The following GPC6 variants were observed in gnomAD, a reference collection of about 807,000 sequenced individuals.
The protein encoded by GPC6 is glypican-6.
Under a neutral mutation model 55.2 loss-of-function variants are expected in GPC6, and 14 were observed. That is an observed-to-expected ratio of 0.25 (90% CI 0.17 to 0.40). The LOEUF is 0.40. Ranked by LOEUF, GPC6 falls within the 10% of genes least tolerant of loss-of-function variation. The probability of loss-of-function intolerance (pLI) is 1.00; values close to 1 mark genes in which losing one functional copy is unlikely to be tolerated. For synonymous variants in GPC6, 278 were observed against 259.6 expected (o/e 1.07, Z -0.68); for missense variants, 641 against 708.5 (o/e 0.90, Z 1.08).
At chr13:93,427,767 C>T (rs992286616) in intron 1 of GPC6, among the ~76,000 whole-genome samples, 3 of 152,136 alleles carry the variant, frequency 2.0e-5, no homozygotes, top group Non-Finnish European at 4.4e-5. Flanking sequence ...CATAAGCACA[C>T]ACAATAGTCC....
chr13:93,637,897 T>C (rs979573048), intron 2 of GPC6, among the ~76,000 whole-genome samples: 5 of 152,114 alleles, frequency 3.3e-5, no homozygotes, highest in African/African-American at 1.2e-4. Flanking sequence ...AGCCGTCATA[T>C]TAGAGATGAC....
At chr13:93,262,337 G>A (rs781187240) in intron 1 of GPC6, among the ~76,000 whole-genome samples, 1 of 152,142 alleles carries the variant, frequency 6.6e-6, no homozygotes, top group Non-Finnish European at 1.5e-5. Flanking sequence ...TTAAAAATGG[G>A]TGAAAGTGTG....
At chr13:94,284,455 T>TG (rs1555315647) in intron 4 of GPC6, among the ~76,000 whole-genome samples, 180 of 122,620 alleles carry the variant, frequency 1.5e-3, no homozygotes, top group African/African-American at 4.6e-3. Flanking sequence ...AATACATGTA[T>TG]GTTTTTTTTT....
chr13:93,296,149 C>G (rs1336840746), intron 1 of GPC6, among the ~76,000 whole-genome samples: 1 of 152,174 alleles, frequency 6.6e-6, no homozygotes, highest in Non-Finnish European at 1.5e-5. Context: ...CTTTCCATTT[C>G]TATTTCAATT....
rs571126422 is a variant in GPC6, at chr13:94,119,813, A to C, written c.877+91919A>C. Among the ~76,000 whole-genome samples the C allele has an allele frequency of 9.2e-5, 14 of 152,162 alleles. No individual in the cohort carries two copies. In the East Asian group the frequency reaches 2.5e-3, roughly 27 times the overall value. Reference sequence around the variant, plus strand: ...CTCTTGGGGGAATGAAGGGGAAGAGATTTGACTTTGATTTGTAGCATTTGT... The same window carrying C: ...CTCTTGGGGGAATGAAGGGGAAGAGCTTTGACTTTGATTTGTAGCATTTGT... On this transcript the variant is annotated intron_variant, in intron 4 of 8. Transcript: ENST00000377047.
intron 3 of GPC6, among the ~76,000 whole-genome samples, chr13:93,929,929 A>T (rs181474280): frequency 1.2e-4 from 18 of 152,244 alleles, no homozygotes; most frequent in Admixed American, 2.0e-4. Context: ...TAAACAAAAA[A>T]GGTATAGTTT....
At chr13:94,316,236 G>T (rs143084058) in intron 6 of GPC6, among the ~76,000 whole-genome samples, 182 of 152,238 alleles carry the variant, frequency 1.2e-3, no homozygotes, top group Admixed American at 4.0e-3. Context: ...TATCTACATT[G>T]TCCTACAAAA....
At chr13:94,159,703 C>T (rs529083668) in intron 4 of GPC6, among the ~76,000 whole-genome samples, 8 of 152,188 alleles carry the variant, frequency 5.3e-5, no homozygotes, top group Admixed American at 1.3e-4. Context: ...ATTATGGAAG[C>T]GTATGCGAGA....
intron 4 of GPC6, among the ~76,000 whole-genome samples, chr13:94,222,793 T>C (rs1890424926): frequency 6.6e-6 from 1 of 152,140 alleles, no homozygotes; most frequent in African/African-American, 2.4e-5. Context: ...TGGCTGAAGG[T>C]CCAGTTCATT....
At chr13:94,039,794 C>A (rs563352233) in intron 4 of GPC6, among the ~76,000 whole-genome samples, 1 of 151,976 alleles carries the variant, frequency 6.6e-6, no homozygotes, top group African/African-American at 2.4e-5. Flanking sequence ...AGATGGCCTG[C>A]ATTTTTCTTC....
At chr13:93,490,614 A>C (rs1464995138) in intron 1 of GPC6, among the ~76,000 whole-genome samples, 1 of 128,626 alleles carries the variant, frequency 7.8e-6, no homozygotes, top group African/African-American at 2.9e-5. Context: ...GGTGCGCTGC[A>C]CCCACTAACT....
chr13:93,369,718 GT>G (rs1238538050), intron 1 of GPC6, among the ~76,000 whole-genome samples: 1 of 152,010 alleles, frequency 6.6e-6, no homozygotes, highest in Non-Finnish European at 1.5e-5. Context: ...CAGTTTAAAC[GT>G]TTTTTTGTCA....
At chr13:93,501,711 TAA>T (rs1376767047) in intron 1 of GPC6, among the ~76,000 whole-genome samples, 10 of 152,132 alleles carry the variant, frequency 6.6e-5, no homozygotes, top group Non-Finnish European at 1.3e-4. Flanking sequence ...CGTCTCCACA[TAA>T]ATGGAAGCAA....
intron 4 of GPC6, among the ~76,000 whole-genome samples, chr13:94,218,756 A>C (rs1018596614): frequency 6.6e-6 from 1 of 152,158 alleles, no homozygotes; most frequent in Admixed American, 6.6e-5. Context: ...CCTTTACAGC[A>C]GTGGCTCTCA....
intron 5 of GPC6, among the ~76,000 whole-genome samples, chr13:94,288,792 A>AATATATATATATTTGTTATATATAAT (rs370248349): frequency 9.9e-6 from 1 of 101,300 alleles, no homozygotes; most frequent in Non-Finnish European, 1.8e-5. Flanking sequence ...ATATATAATA[A>AATATATATATATTTGTTATATATAAT]ATATATATAT....
chr13:93,405,059 A>T (rs1304909288), intron 1 of GPC6, among the ~76,000 whole-genome samples: 5 of 152,170 alleles, frequency 3.3e-5, no homozygotes, highest in Admixed American at 3.3e-4. Flanking sequence ...TTTTTTAATC[A>T]GTTGGGTTTA....
At chr13:93,701,340 TTTGTGTG>T (rs1356023224) in intron 2 of GPC6, among the ~76,000 whole-genome samples, 25 of 152,066 alleles carry the variant, frequency 1.6e-4, no homozygotes, top group Non-Finnish European at 1.5e-4. Context: ...GCATTTAAAA[TTTGTGTG>T]TAATAGCATT....
intron 3 of GPC6, among the ~76,000 whole-genome samples, chr13:94,025,067 T>C (rs1266064605): frequency 6.6e-6 from 1 of 152,202 alleles, no homozygotes; most frequent in Non-Finnish European, 1.5e-5. Context: ...ATCTCAAATT[T>C]ATATCCCCAA....
chr13:93,532,254 C>T (rs973009292), intron 1 of GPC6, among the ~76,000 whole-genome samples: 2 of 152,094 alleles, frequency 1.3e-5, no homozygotes, highest in Non-Finnish European at 2.9e-5. Context: ...CAGATTTTCT[C>T]TCAAGATCTT....
Sources: allele counts gnomAD v4.1 joint callset (sites outside exome capture counted in the v4.1 genomes callset), GRCh38; gene constraint gnomAD v4.1.1; transcripts MANE v1.5; gene names NCBI Gene and HGNC (gene_info 2026-07-23, HGNC 2026-07-21).